Variants in OR4Q3 observed in about 807,000 individuals in gnomAD.
The protein encoded by OR4Q3 is olfactory receptor 4Q3.
OR4Q3 carries 17 observed loss-of-function variants against 18.8 expected under a neutral mutation model. That is an observed-to-expected ratio of 0.91 (90% confidence interval 0.62 to 1.36). The LOEUF (loss-of-function observed/expected upper bound fraction) is 1.36, where lower values mean the gene tolerates loss of function less well. Ranked by LOEUF, OR4Q3 falls within the 40% of genes most tolerant of loss-of-function variation. OR4Q3 has a pLI of 0.00. For synonymous variants in OR4Q3, 158 were observed against 145.8 expected, an observed-to-expected ratio of 1.08 and a Z score of -0.60; for missense variants, 378 against 373.4, an observed-to-expected ratio of 1.01 and a Z score of -0.10.
At chr14:19,749,428 G>C in exon 2 of OR4Q3, 1 of 152,214 alleles carries the variant, frequency 6.6e-6, no homozygotes, top group Admixed American at 6.6e-5. Context: ...GAGAAACCCC[G>C]TCTCTACTAA....
intron 1 of OR4Q3, among the ~76,000 whole-genome samples, chr14:19,746,243 A>G: frequency 6.6e-6 from 1 of 152,180 alleles, no homozygotes; most frequent in African/African-American, 2.4e-5. Flanking sequence ...GTTTTAGATA[A>G]AAAAATATTC....
At chr14:19,746,614 T>C in intron 1 of OR4Q3, among the ~76,000 whole-genome samples, 1 of 152,184 alleles carries the variant, frequency 6.6e-6, no homozygotes, top group Non-Finnish European at 1.5e-5. Flanking sequence ...GACGCTTCCC[T>C]AAATCTTAAA....
At chr14:19,748,888 C>A in exon 2 of OR4Q3, 2 of 156,658 alleles carry the variant, frequency 1.3e-5, no homozygotes, top group African/African-American at 4.8e-5. Flanking sequence ...TACCTCAGAA[C>A]TGTGTTCCAC....
downstream of OR4Q3, among the ~76,000 whole-genome samples, chr14:19,751,426 A>AT: frequency 2.6e-5 from 4 of 151,596 alleles, no homozygotes; most frequent in African/African-American, 7.3e-5. Context: ...TTCCTTTTTT[A>AT]TTTTTTTGGG....
downstream of OR4Q3, among the ~76,000 whole-genome samples, chr14:19,750,226 C>A: frequency 6.6e-6 from 1 of 152,168 alleles, no homozygotes. Flanking sequence ...CTCAGGTGAT[C>A]TGCCTGCCTC....
At chr14:19,750,111 A>T, downstream of OR4Q3, among the ~76,000 whole-genome samples, 3 of 151,850 alleles carry the variant, frequency 2.0e-5, no homozygotes, top group African/African-American at 7.3e-5. Context: ...CAGCCTCCCA[A>T]GTAGCTGGGA....
downstream of OR4Q3, among the ~76,000 whole-genome samples, chr14:19,749,782 CTCTT>C: frequency 0.3 from 37,955 of 128,282 alleles, 2,521 homozygotes; most frequent in South Asian, 0.4. Context: ...CTTTTTCTTT[CTCTT>C]TCTTTCTTTC....
chr14:19,749,025 G>A, exon 2 of OR4Q3: 3 of 152,654 alleles, frequency 2.0e-5, no homozygotes, highest in Non-Finnish European at 4.4e-5. Flanking sequence ...GTATTCTGTT[G>A]TAGAGGCTTC....
At position 19,747,405 on chromosome 14, in the gene OR4Q3, G is replaced by A. The variant is rs765006219; in HGVS notation, c.3-1G>A. The stretch of plus-strand genomic sequence containing the variant: ...CTTGTTCTGATTTAATTCTTCTTTA[G>A]GTCACTTGATATTCTTGGCTTGATG... On this transcript the variant is annotated splice_acceptor_variant, in intron 1 of 1. Transcript: ENST00000642117. LOFTEE classifies it high-confidence loss of function. 2.9e-5 allele frequency: 42 copies of A among 1,471,188 alleles called. No individual in the cohort carries two copies. In the Middle Eastern group the frequency reaches 7.1e-4, roughly 25 times the overall value. 91.1% of individuals were successfully genotyped at this position (1,471,188 alleles called of 1,614,324 possible). A position where few individuals can be genotyped will look rare whatever the true frequency, so the allele number is the denominator to read the frequency against.
At chr14:19,747,840 A>G in exon 2 of OR4Q3, 2 of 1,607,998 alleles carry the variant, frequency 1.2e-6, no homozygotes, top group Non-Finnish European at 1.7e-6. Context: ...ACAGTCATGA[A>G]CCCCCAGCTA....
exon 2 of OR4Q3, chr14:19,748,323 T>C: frequency 6.2e-7 from 1 of 1,613,016 alleles, no homozygotes; most frequent in Non-Finnish European, 8.5e-7. Flanking sequence ...AAGACAGCTA[T>C]GAAGAAGCTG....
At chr14:19,746,927 T>TA in intron 1 of OR4Q3, among the ~76,000 whole-genome samples, 1 of 152,190 alleles carries the variant, frequency 6.6e-6, no homozygotes. Context: ...ATGGTGCACA[T>TA]AGGCATTACA....
exon 2 of OR4Q3, chr14:19,748,506 C>A: frequency 1.4e-6 from 1 of 696,930 alleles, no homozygotes; most frequent in East Asian, 2.7e-5. Context: ...ATGGATCACT[C>A]TTGATTACAA....
chr14:19,750,087 T>A, downstream of OR4Q3, among the ~76,000 whole-genome samples: 1 of 151,972 alleles, frequency 6.6e-6, no homozygotes, highest in Non-Finnish European at 1.5e-5. Context: ...CAGGTTCAAG[T>A]GATCCTCTTG....
intron 1 of OR4Q3, among the ~76,000 whole-genome samples, chr14:19,745,185 A>C: frequency 6.6e-6 from 1 of 152,186 alleles, no homozygotes; most frequent in African/African-American, 2.4e-5. Context: ...CAGAGTAATC[A>C]CCTAGGAACT....
At chr14:19,748,168 G>A in exon 2 of OR4Q3, 7 of 1,614,068 alleles carry the variant, frequency 4.3e-6, no homozygotes, top group Non-Finnish European at 5.9e-6. Flanking sequence ...ACCTGACAGT[G>A]GTCAGCCTGA....
chr14:19,747,731 A>G, exon 2 of OR4Q3: 1 of 1,613,942 alleles, frequency 6.2e-7, no homozygotes, highest in Non-Finnish European at 8.5e-7. Context: ...CCTGGCCCAG[A>G]TCTACTTCCT....
At chr14:19,750,445 ATAAGATAATGACAAAC>A, downstream of OR4Q3, among the ~76,000 whole-genome samples, 8 of 152,258 alleles carry the variant, frequency 5.3e-5, no homozygotes, top group Non-Finnish European at 2.9e-5. Flanking sequence ...TTACTATATA[ATAAGATAATGACAAAC>A]TTTTACAATG....
At chr14:19,746,226 A>G in intron 1 of OR4Q3, among the ~76,000 whole-genome samples, 1 of 152,078 alleles carries the variant, frequency 6.6e-6, no homozygotes, top group Non-Finnish European at 1.5e-5. Context: ...TATTTTGTCT[A>G]TAGCTGGTTT....
Sources: allele counts gnomAD v4.1 joint callset (sites outside exome capture counted in the v4.1 genomes callset), GRCh38; gene constraint gnomAD v4.1.1; transcripts MANE v1.5; gene names NCBI Gene and HGNC (gene_info 2026-07-23, HGNC 2026-07-21).